The following FGFR4 variants were observed in gnomAD, a reference collection of about 807,000 sequenced individuals.
FGFR4 encodes the protein hydroxyaryl-protein kinase.
In FGFR4, 63 loss-of-function variants were observed where a neutral mutation model predicts 89.9. That is an observed-to-expected ratio of 0.70 (90% confidence interval 0.57 to 0.86). The LOEUF (loss-of-function observed/expected upper bound fraction) is 0.86. Among genes scored for constraint, FGFR4 ranks in the 40% least tolerant of loss-of-function variants. The pLI is 0.00. For synonymous variants in FGFR4, 486 were observed against 479.4 expected (o/e 1.01, Z -0.18); for missense variants, 928 against 1,106.7 (o/e 0.84, Z 2.29).
At chr5:177,088,331 T>C (rs189084448) in intron 1 of FGFR4, 85 of 182,354 alleles carry the variant, frequency 4.7e-4, no homozygotes, top group African/African-American at 1.9e-3. Flanking sequence ...GGATTACAGG[T>C]GTGAACCATC....
chr5:177,096,860 C>T (rs72494545), intron 16 of FGFR4, 119 bp downstream of exon 16: 23,562 of 1,021,766 alleles, frequency 0.023, 692 homozygotes, highest in African/African-American at 0.055. Context: ...CCTCGTCCTC[C>T]TCCTCCTCTT....
In FGFR4 at chr5:177,087,595, G is replaced by A; in HGVS notation, c.-54+518G>A. On this transcript the variant is annotated intron_variant, in intron 1 of 17. Coordinates refer to ENST00000292408, the MANE Select transcript of FGFR4 (RefSeq NM_213647.3). The surrounding 1 kb of genome is among the most constrained non-coding windows in gnomAD (Gnocchi z 6.1). ...TGGTCGGTCAGCGGTCAGCAGCCAT[G>A]GGTGACTCGACTAAGGACTCTGATA... 8.1e-6 allele frequency: 8 copies of A among 985,410 alleles called. No individual in the cohort carries two copies. Among genetic ancestry groups the A allele is most frequent in the Non-Finnish European group, 9.6e-6 (8 of 829,950 alleles). The allele number at this position is 985,410 out of a possible 1,614,324, so 61.0% of individuals were successfully genotyped here.
At chr5:177,091,550 G>C in intron 5 of FGFR4, 135 bp from the exon 6 acceptor site, 10 of 1,278,300 alleles carry the variant, frequency 7.8e-6, no homozygotes, top group South Asian at 4.3e-5. Context: ...ATAGTCCTTG[G>C]CCTGGGCCTG....
At position 177,091,789 on chromosome 5, in the gene FGFR4, C is replaced by CT; in HGVS notation, c.709dup (p.Tyr237LeufsTer76). 1 of 1,614,160 alleles carries CT rather than the reference C, an allele frequency of 6.2e-7. No individual in the cohort carries two copies. The highest frequency in any genetic ancestry group is 1.1e-5 in the South Asian group (1 of 91,078). On this transcript the variant is annotated frameshift_variant, in exon 6 of 18. Coordinates refer to ENST00000292408, the MANE Select transcript of FGFR4 (RefSeq NM_213647.3). LOFTEE classifies it high-confidence loss of function. ...ACGCTGTGGGCAGCATCCGCTATAA[C>CT]TACCTGCTAGATGTGCTGGGTGAGC...
chr5:177,090,764 C>T lies in FGFR4; in HGVS notation c.375C>T (p.Asn125=), dbSNP rs184093905. Residue 125 remains asparagine, a synonymous_variant, in exon 4 of 18, where the codon AAC becomes AAT. Transcript: ENST00000292408. ...ATGTAGACTCCTTGACCTCCAGCAA[C>T]GATGATGAGGACCCCAAGTCCCATA... ...LITGDSLTSS[N]DDEDPKSHRD... 1.7e-5 allele frequency: 27 copies of T among 1,609,114 alleles called. No individual in the cohort carries two copies. The highest frequency in any genetic ancestry group is 1.1e-4 in the East Asian group (5 of 44,764).
intron 11 of FGFR4, chr5:177,094,861 G>A (rs896748484): frequency 1.2e-5 from 2 of 173,262 alleles, no homozygotes; most frequent in Admixed American, 5.5e-5. Flanking sequence ...GGCTGCACCC[G>A]GCCTGCCGCC....
chr5:177,097,844 C>A lies in FGFR4; in HGVS notation c.*168C>A. The A allele has an allele frequency of 1.3e-6, 1 of 755,104 alleles. No homozygotes were observed. Among genetic ancestry groups the A allele is most frequent in the South Asian group, 2.4e-5 (1 of 41,318 alleles). 46.8% of individuals were successfully genotyped at this position (755,104 alleles called of 1,614,324 possible). On this transcript the variant is annotated 3_prime_UTR_variant, in exon 18 of 18. Coordinates refer to ENST00000292408, the MANE Select transcript of FGFR4 (RefSeq NM_213647.3). ...CCCTTGGAGCTGCCGTGCCTGTGTC[C>A]TGATGGCCCAAATGTCAGGGTTCTG... is the stretch of plus-strand genomic sequence containing the variant.
chr5:177,096,911 CTCCTCT>C (rs1393054940), intron 16 of FGFR4, among the ~76,000 whole-genome samples, 170 bp downstream of exon 16: 22 of 134,762 alleles, frequency 1.6e-4, no homozygotes, highest in African/African-American at 6.0e-4. Context: ...CCTCTTCCTC[CTCCTCT>C]TCCTCCTCCT....
In FGFR4 at chr5:177,090,900, A is replaced by G. The variant is rs774681708; in HGVS notation, c.437-38A>G. ...CTGAGAAGAGGAGGCCTGTGTGGGA[A>G]CACACGGTCATTCTAGGGGCCTTCC... On this transcript the variant is annotated intron_variant, in intron 4 of 17. Transcript: ENST00000292408. 4.3e-6 allele frequency: 7 copies of G among 1,614,086 alleles called. No individual in the cohort carries two copies. The Admixed American group carries it at 1.2e-4, about 27-fold the overall frequency.
chr5:177,096,194 G>T lies in FGFR4; in HGVS notation c.1944+15G>T, dbSNP rs1488339894. 6.2e-7 allele frequency: 1 copy of T among 1,613,772 alleles called. No individual in the cohort carries two copies. Among genetic ancestry groups the T allele is most frequent in the Non-Finnish European group, 8.5e-7 (1 of 1,179,762 alleles). On this transcript the variant is annotated intron_variant, in intron 14 of 17. Coordinates refer to ENST00000292408, the MANE Select transcript of FGFR4 (RefSeq NM_213647.3). ...AAACCAGCAACGTGAGGGAGATGGG[G>T]CAGAACTGGATGGGGGTGGAGGGGC... is the stretch of plus-strand genomic sequence containing the variant.
rs1439305848 is a variant in FGFR4, at chr5:177,095,654, C to G, written c.1752C>G (p.Leu584=). The change falls in exon 13 of 18, where the codon CTC becomes CTG. Residue 584 remains leucine, a synonymous_variant. Transcript: ENST00000292408. The surrounding 1 kb of genome is among the most constrained non-coding windows in gnomAD (Gnocchi z 5.7). ...GTCCTCGGAGCAGTGAGGGGCCGCT[C>G]TCCTTCCCAGTCCTGGTCTCCTGCG... ...PDGPRSSEGP[L]SFPVLVSCAY... 1 of 1,608,298 alleles carries G rather than the reference C, an allele frequency of 6.2e-7. No individual in the cohort carries two copies. Among genetic ancestry groups the G allele is most frequent in the South Asian group, 1.1e-5 (1 of 90,042 alleles).
rs1582009349 is a variant in FGFR4, at chr5:177,091,031, A to G, written c.530A>G (p.Asn177Ser). The G allele has an allele frequency of 6.2e-7, 1 of 1,612,200 alleles. No individual in the cohort carries two copies. The change falls in exon 5 of 18, where the codon AAC becomes AGC. Residue 177 changes from asparagine to serine, a missense_variant. Asn to Ser is a conservative substitution (Grantham distance 46). Coordinates refer to ENST00000292408, the MANE Select transcript of FGFR4 (RefSeq NM_213647.3). ...AAGTTCCGCTGTCCAGCTGCAGGCAACCCCACGCCCACCATCCGCTGGCTT... is the reference window on the plus strand; with the variant it reads ...AAGTTCCGCTGTCCAGCTGCAGGCAGCCCCACGCCCACCATCCGCTGGCTT... ...TVKFRCPAAG[N>S]PTPTIRWLKD...
chr5:177,095,388 G>A lies in FGFR4; in HGVS notation c.1578G>A (p.Leu526=), dbSNP rs1223067967. The change falls in exon 12 of 18, where the codon CTG becomes CTA. Residue 526 remains leucine, a synonymous_variant. Transcript: ENST00000292408. This position sits in a 1 kb window ranked among gnomAD's most constrained non-coding sequence, Gnocchi z 5.7. ...DLVSEMEVMK[L]IGRHKNIINL... is the part of the protein sequence containing the mutation. ...TCTCGGAGATGGAGGTGATGAAGCTGATCGGCCGACACAAGAACATCATCA... is the reference window on the plus strand; with the variant it reads ...TCTCGGAGATGGAGGTGATGAAGCTAATCGGCCGACACAAGAACATCATCA... 2 of 1,614,194 alleles carry A rather than the reference G, an allele frequency of 1.2e-6. No homozygotes were observed. Among genetic ancestry groups the A allele is most frequent in the Non-Finnish European group, 1.7e-6 (2 of 1,180,034 alleles).
intron 5 of FGFR4, among the ~76,000 whole-genome samples, chr5:177,091,311 T>C (rs148135342): frequency 3.5e-4 from 53 of 152,292 alleles, no homozygotes; most frequent in African/African-American, 1.3e-3. Flanking sequence ...CCTCAGCAAC[T>C]CCATTTGTAA....
In FGFR4 at chr5:177,095,482, C is replaced by G. The variant is rs1582017556; in HGVS notation, c.1630+42C>G. On this transcript the variant is annotated intron_variant, in intron 12 of 17. Coordinates refer to ENST00000292408, the MANE Select transcript of FGFR4 (RefSeq NM_213647.3). This position sits in a 1 kb window ranked among gnomAD's most constrained non-coding sequence, Gnocchi z 5.7. ...GCTGGCTGCACGGGCCGTTAGGGTG[C>G]AGAGCCAAAGCTTTGGCAGCCTCTC... 6.2e-7 allele frequency: 1 copy of G among 1,613,614 alleles called. No individual in the cohort carries two copies.
Position 177,089,710 on chromosome 5 carries a change from G to A in FGFR4, c.91+17G>A, listed in dbSNP as rs761297044. On this transcript the variant is annotated intron_variant, in intron 2 of 17. Coordinates refer to ENST00000292408, the MANE Select transcript of FGFR4 (RefSeq NM_213647.3). ...TGGAGCTTGGTATGGCTTCTGAGGT[G>A]GGAGAGGGTGGCAGGGGTGGGAAGA... 6.2e-7 allele frequency: 1 copy of A among 1,612,012 alleles called. No individual in the cohort carries two copies. Among genetic ancestry groups the A allele is most frequent in the Non-Finnish European group, 8.5e-7 (1 of 1,179,040 alleles).
chr5:177,090,168 CGTG>C (rs1275300389), intron 2 of FGFR4: 1 of 703,192 alleles, frequency 1.4e-6, no homozygotes, highest in Non-Finnish European at 2.6e-6. Context: ...TGGCCACTGT[CGTG>C]TGCACTAAAT....
intron 5 of FGFR4, 96 bp from the exon 6 acceptor site, chr5:177,091,589 A>G (rs1784367191): frequency 2.6e-6 from 4 of 1,524,270 alleles, no homozygotes; most frequent in African/African-American, 1.4e-5. Context: ...GAGCTTGACA[A>G]GAGCCCTGTG....
chr5:177,093,027 T>C lies in FGFR4; in HGVS notation c.1058-111T>C, dbSNP rs758516318. ...GGGCATAACTACAGCTTCCTCCGTG[T>C]GTGTCCCCACATATGTTGGGAGCTG... On this transcript the variant is annotated intron_variant, in intron 8 of 17. Transcript: ENST00000292408. The surrounding 1 kb of genome is among the most constrained non-coding windows in gnomAD (Gnocchi z 5.8). 2.1e-6 allele frequency: 3 copies of C among 1,442,838 alleles called. No homozygotes were observed. The highest frequency in any genetic ancestry group is 2.8e-5 in the African/African-American group (2 of 71,624). The allele number at this position is 1,442,838 out of a possible 1,614,324, so 89.4% of individuals were successfully genotyped here.
Sources: allele counts gnomAD v4.1 joint callset (sites outside exome capture counted in the v4.1 genomes callset), GRCh38; gene constraint gnomAD v4.1.1; non-coding constraint Gnocchi (gnomAD v3.1); transcripts MANE v1.5; gene names NCBI Gene and HGNC (gene_info 2026-07-23, HGNC 2026-07-21).